Variants in RTN4RL1 observed in about 807,000 individuals in gnomAD.
The protein encoded by RTN4RL1 is reticulon 4 receptor like 1, also known as reticulon-4 receptor-like 1.
Under a neutral mutation model 25.6 loss-of-function variants are expected in RTN4RL1, and 7 were observed. That is an observed-to-expected ratio of 0.27 (90% CI 0.16 to 0.51). The LOEUF is 0.51. RTN4RL1 is among the 20% of genes least tolerant of loss of function. RTN4RL1 has a pLI of 0.97. For synonymous variants in RTN4RL1, 297 were observed against 288.2 expected (o/e 1.03, Z -0.31); for missense variants, 500 against 615.6 (o/e 0.81, Z 1.99).
Position 1,948,486 on chromosome 17 carries a change from G to C in RTN4RL1, c.14-10678C>G, listed in dbSNP as rs189715638. The stretch of plus-strand genomic sequence containing the variant: ...CTGCGTCTGAGCTTGGCACCTTGTG[G>C]AGCCAACTGCCCCTCCCCCAAAGCT... On this transcript the variant is annotated intron_variant, in intron 1 of 1. Transcript: ENST00000331238. Among the ~76,000 whole-genome samples, 164 of 152,364 alleles carry C rather than the reference G, an allele frequency of 1.1e-3. 1 individual carries two copies. Among genetic ancestry groups the C allele is most frequent in the African/African-American group, 3.8e-3 (157 of 41,586 alleles).
chr17:1,971,715 C>T (rs2066819858), intron 1 of RTN4RL1, among the ~76,000 whole-genome samples: 1 of 151,988 alleles, frequency 6.6e-6, no homozygotes, highest in South Asian at 2.1e-4. Flanking sequence ...GTAATCCCAG[C>T]ACTTTGGGGG....
chr17:2,021,802 A>G (rs1234071854), intron 1 of RTN4RL1, among the ~76,000 whole-genome samples: 2 of 147,442 alleles, frequency 1.4e-5, no homozygotes, highest in Non-Finnish European at 3.0e-5. Flanking sequence ...TGATCCTCCC[A>G]ACTCGGCCTC....
intron 1 of RTN4RL1, 150 bp downstream of exon 1, chr17:2,024,703 G>C: frequency 1.5e-6 from 1 of 660,790 alleles, no homozygotes; most frequent in Non-Finnish European, 2.5e-6. Context: ...AGCCCCAGCA[G>C]CAGCCCCTCG....
intron 1 of RTN4RL1, among the ~76,000 whole-genome samples, chr17:1,945,880 A>T (rs1198496820): frequency 3.3e-5 from 5 of 152,252 alleles, no homozygotes; most frequent in Admixed American, 2.0e-4. Flanking sequence ...CTGAGTCAGC[A>T]GGGGGACTGA....
chr17:2,006,128 T>C (rs1277939703), intron 1 of RTN4RL1, among the ~76,000 whole-genome samples: 3 of 148,438 alleles, frequency 2.0e-5, no homozygotes, highest in Non-Finnish European at 4.5e-5. Flanking sequence ...TAAGGGGAAT[T>C]AGGAATGTCA....
chr17:1,944,108 A>G (rs1208124246), intron 1 of RTN4RL1, among the ~76,000 whole-genome samples: 6 of 151,994 alleles, frequency 3.9e-5, no homozygotes, highest in Non-Finnish European at 7.4e-5. Context: ...TATTTTTTGT[A>G]GCAATAGGAT....
At chr17:1,993,204 C>T (rs758963737) in intron 1 of RTN4RL1, among the ~76,000 whole-genome samples, 11 of 152,000 alleles carry the variant, frequency 7.2e-5, no homozygotes, top group South Asian at 4.1e-4. Context: ...GCTGAGATCG[C>T]GCCACCGCAC....
At chr17:2,013,632 T>TTGGGGTTTGATAGCTTTGA (rs1567528139) in intron 1 of RTN4RL1, among the ~76,000 whole-genome samples, 17 of 134,176 alleles carry the variant, frequency 1.3e-4, no homozygotes, top group African/African-American at 3.5e-4. Flanking sequence ...TCCCTCACCC[T>TTGGGGTTTGATAGCTTTGA]GGAACATAAA....
At chr17:1,944,331 C>G (rs1411910120) in intron 1 of RTN4RL1, among the ~76,000 whole-genome samples, 2 of 152,188 alleles carry the variant, frequency 1.3e-5, no homozygotes, top group Non-Finnish European at 2.9e-5. Flanking sequence ...CGGCCTCCCC[C>G]ACATCTCCAT....
intron 1 of RTN4RL1, among the ~76,000 whole-genome samples, chr17:2,012,487 C>T (rs906839506): frequency 6.6e-6 from 1 of 152,216 alleles, no homozygotes; most frequent in Non-Finnish European, 1.5e-5. Flanking sequence ...GGGAAAAGTG[C>T]GTGGTGTAGG....
intron 1 of RTN4RL1, among the ~76,000 whole-genome samples, chr17:1,961,966 AAAAG>A (rs1266686773): frequency 2.0e-4 from 29 of 145,010 alleles, no homozygotes; most frequent in Middle Eastern, 3.3e-3. Context: ...AAAAGAAAAG[AAAAG>A]AAAGAAAAGA....
intron 1 of RTN4RL1, among the ~76,000 whole-genome samples, chr17:1,952,230 A>C (rs929982983): frequency 1.3e-5 from 2 of 151,980 alleles, no homozygotes; most frequent in Non-Finnish European, 2.9e-5. Flanking sequence ...GGGAATAGTG[A>C]ATATCTGTGA....
intron 1 of RTN4RL1, among the ~76,000 whole-genome samples, chr17:1,968,376 T>G (rs2066802220): frequency 6.6e-6 from 1 of 152,076 alleles, no homozygotes; most frequent in Admixed American, 6.6e-5. Flanking sequence ...CCAAGTCCCA[T>G]AGCTCGGGCC....
At chr17:2,021,506 T>C (rs1184218880) in intron 1 of RTN4RL1, among the ~76,000 whole-genome samples, 1 of 151,962 alleles carries the variant, frequency 6.6e-6, no homozygotes, top group African/African-American at 2.4e-5. Context: ...GCTCTGCATA[T>C]TATAGGCAAG....
chr17:1,980,754 C>T (rs1195424421), intron 1 of RTN4RL1, among the ~76,000 whole-genome samples: 5 of 150,192 alleles, frequency 3.3e-5, no homozygotes, highest in African/African-American at 9.8e-5. Flanking sequence ...ATGGAGAAAC[C>T]CCGTCTCTAC....
chr17:1,970,211 G>T (rs2066812389), intron 1 of RTN4RL1, among the ~76,000 whole-genome samples: 1 of 152,076 alleles, frequency 6.6e-6, no homozygotes, highest in Non-Finnish European at 1.5e-5. Context: ...AGTAGAGATG[G>T]GGTTTGACCG....
intron 1 of RTN4RL1, chr17:2,019,609 C>T (rs1485027922): frequency 2.0e-5 from 3 of 152,322 alleles, no homozygotes; most frequent in Admixed American, 6.5e-5. Flanking sequence ...TTCTCAAACT[C>T]GGCCAAGAAG....
intron 1 of RTN4RL1, among the ~76,000 whole-genome samples, chr17:2,018,440 GC>G (rs2067155191): frequency 6.6e-6 from 1 of 152,190 alleles, no homozygotes; most frequent in Non-Finnish European, 1.5e-5. Context: ...AGCAGCTCAG[GC>G]CCCAGGAGTC....
intron 1 of RTN4RL1, among the ~76,000 whole-genome samples, chr17:1,951,442 TG>T (rs1193195839): frequency 4.0e-5 from 6 of 150,378 alleles, no homozygotes; most frequent in African/African-American, 1.5e-4. Context: ...AAGTTTTTTT[TG>T]TTGTTTTTTT....
Sources: allele counts gnomAD v4.1 joint callset (sites outside exome capture counted in the v4.1 genomes callset), GRCh38; gene constraint gnomAD v4.1.1; transcripts MANE v1.5; gene names NCBI Gene and HGNC (gene_info 2026-07-23, HGNC 2026-07-21).